PACS1: variants seen among roughly 807,000 people sequenced by gnomAD.
The protein encoded by PACS1 is PACS-1.
A neutral mutation model predicts 115.0 loss-of-function variants in PACS1; 24 were observed. The observed-to-expected ratio is 0.21, with a 90% CI of 0.15 to 0.29. The LOEUF (loss-of-function observed/expected upper bound fraction) is 0.29. Ranked by LOEUF, PACS1 falls within the 10% of genes least tolerant of loss-of-function variation. The pLI, the probability that PACS1 is intolerant of heterozygous loss-of-function variation, is 1.00. For missense variants in PACS1, 838 were observed against 1,251.2 expected (o/e 0.67, Z 4.98); for synonymous variants, 453 against 504.5 (o/e 0.90, Z 1.37).
intron 1 of PACS1, among the ~76,000 whole-genome samples, chr11:66,172,278 G>A (rs13328870): frequency 0.036 from 5,546 of 152,266 alleles, 327 homozygotes; most frequent in African/African-American, 0.13. Flanking sequence ...CCTTATGACT[G>A]TGGCTCTCTG....
At chr11:66,177,389 C>G (rs1263270296) in intron 1 of PACS1, among the ~76,000 whole-genome samples, 1 of 152,076 alleles carries the variant, frequency 6.6e-6, no homozygotes, top group Non-Finnish European at 1.5e-5. Flanking sequence ...CGGGGTTTCT[C>G]CATGTCGGTC....
chr11:66,153,139 G>A (rs1481088170), intron 1 of PACS1, among the ~76,000 whole-genome samples: 1 of 151,062 alleles, frequency 6.6e-6, no homozygotes, highest in African/African-American at 2.4e-5. Flanking sequence ...TTTTTTTTGA[G>A]ATGGGGGTCT....
intron 1 of PACS1, among the ~76,000 whole-genome samples, chr11:66,083,114 A>G (rs958268681): frequency 2.0e-5 from 3 of 152,208 alleles, no homozygotes; most frequent in Non-Finnish European, 2.9e-5. Flanking sequence ...TAAAATATGT[A>G]GAAAGTAGTT....
intron 2 of PACS1, among the ~76,000 whole-genome samples, chr11:66,201,210 C>T (rs1854785537): frequency 6.6e-6 from 1 of 151,192 alleles, no homozygotes; most frequent in Admixed American, 6.6e-5. Flanking sequence ...CAGAGTGAGC[C>T]TCTGTCTCAA....
At chr11:66,093,482 A>T (rs2134515997) in intron 1 of PACS1, among the ~76,000 whole-genome samples, 1 of 145,290 alleles carries the variant, frequency 6.9e-6, no homozygotes, top group African/African-American at 2.6e-5. Flanking sequence ...GATCAATTCA[A>T]CAAGAAGAGC....
intron 4 of PACS1, among the ~76,000 whole-genome samples, chr11:66,215,227 T>C (rs1188081820): frequency 6.6e-6 from 1 of 150,580 alleles, no homozygotes; most frequent in Non-Finnish European, 1.5e-5. Flanking sequence ...CCACCACACC[T>C]GGCCCGAGCA....
intron 2 of PACS1, among the ~76,000 whole-genome samples, chr11:66,196,659 G>A (rs893363401): frequency 1.3e-5 from 2 of 152,052 alleles, no homozygotes; most frequent in Non-Finnish European, 2.9e-5. Context: ...ATTCAATGGC[G>A]TGATCTCGGC....
chr11:66,168,084 G>A lies in PACS1; in HGVS notation c.357-25402G>A, dbSNP rs550620303. On this transcript the variant is annotated intron_variant, in intron 1 of 23. Coordinates refer to ENST00000320580, the MANE Select transcript of PACS1 (RefSeq NM_018026.4). ...CCTGGCTACTTTTTAAAAATTTTTT[G>A]TAGAGATGGGGTCTCGCCATGTTGC... Among the ~76,000 whole-genome samples, 151 of 149,834 alleles carry A rather than the reference G, an allele frequency of 1.0e-3. 6 individuals carry two copies. The highest frequency in any genetic ancestry group is 9.9e-3 in the Admixed American group (150 of 15,194).
intron 1 of PACS1, among the ~76,000 whole-genome samples, chr11:66,190,920 G>A (rs1340889394): frequency 6.6e-6 from 1 of 152,156 alleles, no homozygotes; most frequent in South Asian, 2.1e-4. Context: ...CTGAGGAGGC[G>A]GTGACGTGAT....
At position 66,230,882 on chromosome 11, in the gene PACS1, G is replaced by A. The variant is rs1002460427; in HGVS notation, c.1568G>A (p.Ser523Asn). 6.2e-7 allele frequency: 1 copy of A among 1,614,202 alleles called. No individual in the cohort carries two copies. Among genetic ancestry groups the A allele is most frequent in the Admixed American group, 1.7e-5 (1 of 60,032 alleles). The change falls in exon 13 of 24, where the codon AGT becomes AAT. Residue 523 changes from serine to asparagine, a missense_variant. Physicochemically the swap from Ser to Asn is conservative, Grantham distance 46. Around this residue, in one of 6 missense-constraint regions of PACS1, gnomAD observed 383 missense variants for 537.0 expected, o/e 0.71. Transcript: ENST00000320580. ...GAGCGGCAGCTCTCCAAGCCCCTAA[G>A]TGAGAGGACCAACAGTTCCGACAGC... ...LKERQLSKPLSERTNSSDSER... is the reference protein window; with the variant it reads ...LKERQLSKPLNERTNSSDSER...
At chr11:66,193,101 C>CA (rs1161798010) in intron 1 of PACS1, among the ~76,000 whole-genome samples, 4 of 152,194 alleles carry the variant, frequency 2.6e-5, no homozygotes, top group Non-Finnish European at 1.5e-5. Context: ...ATGGCTCCAA[C>CA]ATACTAGGCA....
At chr11:66,078,526 G>T (rs1301444686) in intron 1 of PACS1, among the ~76,000 whole-genome samples, 1 of 152,124 alleles carries the variant, frequency 6.6e-6, no homozygotes, top group Non-Finnish European at 1.5e-5. Context: ...CATGTTAATT[G>T]TCTCTGAAGG....
chr11:66,074,296 G>A (rs1857358987), intron 1 of PACS1, among the ~76,000 whole-genome samples: 1 of 152,088 alleles, frequency 6.6e-6, no homozygotes, highest in Non-Finnish European at 1.5e-5. Flanking sequence ...AGTTAGCATT[G>A]TTTTCCCTTC....
chr11:66,239,084 C>T (rs1855759147), intron 20 of PACS1, 58 bp from the exon 21 acceptor site: 14 of 1,612,248 alleles, frequency 8.7e-6, no homozygotes, highest in Non-Finnish European at 5.9e-6. Flanking sequence ...TCCTTGCCAC[C>T]ACCAAGTCAG....
chr11:66,200,365 G>A (rs1015175378), intron 2 of PACS1, among the ~76,000 whole-genome samples: 13 of 151,704 alleles, frequency 8.6e-5, no homozygotes, highest in African/African-American at 2.9e-4. Flanking sequence ...AAACAAAAAC[G>A]AAAACATGAT....
chr11:66,234,338 C>A, intron 17 of PACS1, 96 bp downstream of exon 17: 1 of 806,888 alleles, frequency 1.2e-6, no homozygotes, highest in Non-Finnish European at 2.2e-6. Context: ...GCTTTCCTCC[C>A]TGCAGCTCTC....
chr11:66,182,518 C>T (rs933290532), intron 1 of PACS1, among the ~76,000 whole-genome samples: 5 of 151,726 alleles, frequency 3.3e-5, no homozygotes, highest in Non-Finnish European at 7.4e-5. Flanking sequence ...GGCTGGAGTA[C>T]AGTTGCGTGA....
At chr11:66,072,989 T>C (rs997727690) in intron 1 of PACS1, among the ~76,000 whole-genome samples, 5 of 152,220 alleles carry the variant, frequency 3.3e-5, no homozygotes, top group African/African-American at 4.8e-5. Context: ...GGCATCCTGA[T>C]CAAATGTATA....
intron 1 of PACS1, among the ~76,000 whole-genome samples, chr11:66,086,218 G>A (rs1191523023): frequency 1.3e-5 from 2 of 149,268 alleles, no homozygotes; most frequent in Non-Finnish European, 3.0e-5. Context: ...GCTCACTGCA[G>A]GCTCCGCCCC....
Sources: gnomAD v4.1 joint callset for allele counts (sites outside exome capture counted in the v4.1 genomes callset) on GRCh38, gnomAD v4.1.1 for gene constraint, gnomAD v4.1.1 regional missense constraint, MANE v1.5 for transcripts, NCBI Gene and HGNC (gene_info 2026-07-23, HGNC 2026-07-21) for gene names.